The following MOK variants were observed in gnomAD, a reference collection of about 807,000 sequenced individuals.
The protein encoded by MOK is MOK protein kinase.
In MOK, 59 loss-of-function variants were observed where a neutral mutation model predicts 54.2. The ratio of observed to expected loss-of-function variants is 1.09; its 90% CI spans 0.88 to 1.35. MOK has a LOEUF of 1.35. Among genes scored for constraint, MOK ranks in the 40% most tolerant of loss-of-function variants. The pLI, the probability that MOK is intolerant of heterozygous loss-of-function variation, is 0.00. For missense variants in MOK, 517 were observed against 526.2 expected, an observed-to-expected ratio of 0.98 and a Z score of 0.17; for synonymous variants, 210 against 202.7, an observed-to-expected ratio of 1.04 and a Z score of -0.31.
At chr14:102,302,155 G>A (rs1280890650) in intron 1 of MOK, among the ~76,000 whole-genome samples, 6 of 144,704 alleles carry the variant, frequency 4.1e-5, no homozygotes, top group South Asian at 4.4e-4. Flanking sequence ...TCACTGCAAC[G>A]CCCCCCTCCC....
At chr14:102,224,535 A>G (rs971136858), downstream of MOK, 8 of 455,646 alleles carry the variant, frequency 1.8e-5, no homozygotes, top group African/African-American at 1.6e-4. Flanking sequence ...ACTTTAAACC[A>G]TGAAGTGTCT....
At chr14:102,250,683 A>G (rs2066454803) in intron 7 of MOK, 129 bp downstream of exon 7, 1 of 1,001,706 alleles carries the variant, frequency 1.0e-6, no homozygotes, top group Non-Finnish European at 1.4e-6. Flanking sequence ...TTTCTGTTAA[A>G]TTAAAAACAG....
Position 102,236,340 on chromosome 14 carries a change from C to T in MOK, c.591-2551G>A, listed in dbSNP as rs2065221062. Among the ~76,000 whole-genome samples the T allele has an allele frequency of 1.3e-5, 2 of 152,204 alleles. No homozygotes were observed. The highest frequency in any genetic ancestry group is 2.4e-5 in the African/African-American group (1 of 41,440). ...ATTGATAGCGGGGCCACCTACTCAG[C>T]TTTGCCTGAATTTTCAGGACCCACT... On this transcript the variant is annotated intron_variant, in intron 7 of 11. Transcript: ENST00000361847. This position sits in a 1 kb window ranked among gnomAD's most constrained non-coding sequence, Gnocchi z 4.5.
At chr14:102,218,452 C>G in the MOK span, among the ~76,000 whole-genome samples, 3 of 152,230 alleles carry the variant, frequency 2.0e-5, no homozygotes, top group Non-Finnish European at 1.5e-5. Flanking sequence ...GCCTGTGGCC[C>G]TCACAGTCCT....
In MOK at chr14:102,229,584, A is replaced by G. The variant is rs909385616; in HGVS notation, c.1055T>C (p.Leu352Pro). Residue 352 changes from leucine to proline, a missense_variant, in exon 11 of 12, where the codon CTA (leucine) becomes CCA (proline). By Grantham distance (98) the Leu-to-Pro change is moderately conservative (BLOSUM62 -3). Coordinates refer to ENST00000361847, the MANE Select transcript of MOK (RefSeq NM_014226.3). ...GPAYVMELPK[L>P]KLSGVVRLSS... ...CAGTCTGACCACTCCCGAAAGCTTT[A>G]GTTTGGGCAGTTCCATGACATAGGC... The G allele has an allele frequency of 1.2e-6, 2 of 1,613,998 alleles. No homozygotes were observed. The highest frequency in any genetic ancestry group is 1.7e-5 in the Admixed American group (1 of 60,006).
intron 10 of MOK, chr14:102,229,937 C>G (rs2064520295): frequency 2.4e-6 from 1 of 416,108 alleles, no homozygotes; most frequent in Admixed American, 4.2e-5. Flanking sequence ...GTGCCCACGC[C>G]TCCTGCCTCC....
intron 7 of MOK, among the ~76,000 whole-genome samples, chr14:102,247,675 C>T (rs2066193699): frequency 6.6e-6 from 1 of 152,344 alleles, no homozygotes; most frequent in Admixed American, 6.5e-5. Flanking sequence ...AGCAGCAGCG[C>T]TTCTTCAAAA....
intron 2 of MOK, among the ~76,000 whole-genome samples, chr14:102,271,566 CTTTT>C (rs528872330): frequency 6.7e-6 from 1 of 150,096 alleles, no homozygotes; most frequent in African/African-American, 2.4e-5. Flanking sequence ...CTAACAAAAA[CTTTT>C]TTTTTTAAGA....
chr14:102,287,820 A>ATTT (rs71116893), intron 1 of MOK, among the ~76,000 whole-genome samples: 16 of 117,916 alleles, frequency 1.4e-4, no homozygotes, highest in Non-Finnish European at 1.9e-4. Context: ...GTTCTTTGAG[A>ATTT]TTTTTTTTTT....
At chr14:102,263,239 C>T (rs763395359) in intron 4 of MOK, among the ~76,000 whole-genome samples, 4 of 152,248 alleles carry the variant, frequency 2.6e-5, no homozygotes, top group Non-Finnish European at 4.4e-5. Flanking sequence ...CGGGCCTGCA[C>T]ACACATGCCC....
chr14:102,227,957 T>C (rs183774738), downstream of MOK, among the ~76,000 whole-genome samples: 177 of 152,302 alleles, frequency 1.2e-3, 1 homozygote, highest in Admixed American at 5.4e-3. Context: ...AAATATCTCT[T>C]TAAGTTTGGG....
chr14:102,259,275 A>T (rs956055723), intron 4 of MOK, among the ~76,000 whole-genome samples: 3 of 152,114 alleles, frequency 2.0e-5, no homozygotes, highest in African/African-American at 7.2e-5. Context: ...ATAACCTGAG[A>T]GCAGCAATTT....
chr14:102,269,268 C>A (rs1207770868), intron 2 of MOK, among the ~76,000 whole-genome samples: 2 of 151,154 alleles, frequency 1.3e-5, no homozygotes, highest in East Asian at 3.9e-4. Flanking sequence ...CTCACTGCAA[C>A]CTCCACCTCC....
At chr14:102,220,805 C>T (rs117925320), downstream of MOK, among the ~76,000 whole-genome samples, 8,370 of 152,088 alleles carry the variant, frequency 0.055, 241 homozygotes, top group Middle Eastern at 0.065. This position sits in a 1 kb window ranked among gnomAD's most constrained non-coding sequence, Gnocchi z 4.2. Flanking sequence ...CAGGGTCTTG[C>T]TCTATCCCCC....
At chr14:102,304,776 G>A (rs544854053) in intron 1 of MOK, among the ~76,000 whole-genome samples, 186 bp downstream of exon 1, 37 of 152,134 alleles carry the variant, frequency 2.4e-4, no homozygotes, top group African/African-American at 8.9e-4. Context: ...TCCCCCAGGG[G>A]CACCGGCTTC....
intron 1 of MOK, among the ~76,000 whole-genome samples, chr14:102,288,488 T>A (rs1371322552): frequency 6.6e-6 from 1 of 152,070 alleles, no homozygotes; most frequent in Non-Finnish European, 1.5e-5. Flanking sequence ...AATAAGCAAA[T>A]CTATAGAGGC....
At chr14:102,274,858 C>T (rs576854010) in intron 2 of MOK, among the ~76,000 whole-genome samples, 114 of 151,484 alleles carry the variant, frequency 7.5e-4, no homozygotes, top group African/African-American at 2.4e-3. Flanking sequence ...GCCTGTAATC[C>T]CAGCTACTCA....
downstream of MOK, chr14:102,225,544 T>C (rs886247284): frequency 2.6e-5 from 4 of 152,572 alleles, no homozygotes; most frequent in African/African-American, 9.7e-5. Context: ...TCACTCGAGA[T>C]GGTTAGTCCT....
At position 102,232,729 on chromosome 14, in the gene MOK, TAA is replaced by T. The variant is rs762850851; in HGVS notation, c.693-23_693-22del. On this transcript the variant is annotated intron_variant, in intron 8 of 11. Transcript: ENST00000361847. This position sits in a 1 kb window ranked among gnomAD's most constrained non-coding sequence, Gnocchi z 5.1. ...TCGACCTGTATTAAAAACCCAATGA[TAA>T]TAAATGGTCATGCTGTCACTGAGCG... The T allele has an allele frequency of 7.6e-4, 1,224 of 1,602,454 alleles. No homozygotes were observed. The highest frequency in any genetic ancestry group is 9.8e-4 in the Non-Finnish European group (1,148 of 1,171,644).
Sources: gnomAD v4.1 joint callset for allele counts (sites outside exome capture counted in the v4.1 genomes callset) on GRCh38, gnomAD v4.1.1 for gene constraint, Gnocchi (gnomAD v3.1) non-coding constraint, MANE v1.5 for transcripts, NCBI Gene and HGNC (gene_info 2026-07-23, HGNC 2026-07-21) for gene names.